The following SLC36A1 variants were observed in gnomAD, a reference collection of about 807,000 sequenced individuals.
SLC36A1 encodes the protein proton-coupled amino acid transporter 1.
Under a neutral mutation model 47.5 loss-of-function variants are expected in SLC36A1, and 30 were observed. The observed-to-expected ratio is 0.63, with a 90% CI of 0.47 to 0.86. SLC36A1 has a LOEUF of 0.86. Among genes scored for constraint, SLC36A1 ranks in the 40% least tolerant of loss-of-function variants. SLC36A1 has a pLI of 0.00. For synonymous variants in SLC36A1, 255 were observed against 249.7 expected, an observed-to-expected ratio of 1.02 and a Z score of -0.20; for missense variants, 517 against 606.0, an observed-to-expected ratio of 0.85 and a Z score of 1.54.
the SLC36A1 span, chr5:151,537,968 A>C: frequency 6.2e-7 from 1 of 1,611,500 alleles, no homozygotes; most frequent in Non-Finnish European, 8.5e-7. Flanking sequence ...AAGACAAAGA[A>C]GAGGGAGACT....
chr5:151,512,612 A>G, the SLC36A1 span: 4 of 1,588,216 alleles, frequency 2.5e-6, no homozygotes, highest in Non-Finnish European at 3.4e-6. The surrounding 1 kb of genome is among the most constrained non-coding windows in gnomAD (Gnocchi z 4.1). Flanking sequence ...GCCAGCTGCA[A>G]AGGAAATCCA....
chr5:151,399,451 G>T, the SLC36A1 span, among the ~76,000 whole-genome samples: 5 of 152,050 alleles, frequency 3.3e-5, no homozygotes, highest in East Asian at 9.6e-4. Context: ...AGCTATGTAA[G>T]AATAACCCTG....
the SLC36A1 span, among the ~76,000 whole-genome samples, chr5:151,404,093 C>T: frequency 7.9e-5 from 12 of 152,314 alleles, no homozygotes; most frequent in South Asian, 2.5e-3. Flanking sequence ...AATCCAGGTG[C>T]TCCAATATTG....
At chr5:151,458,958 T>C (rs760993955) in intron 2 of SLC36A1, 23 bp downstream of exon 2, 1 of 1,589,598 alleles carries the variant, frequency 6.3e-7, no homozygotes, top group South Asian at 1.1e-5. Flanking sequence ...TACCTTCTCC[T>C]CTCCTGGGTG....
the SLC36A1 span, chr5:151,527,856 G>A: frequency 6.7e-6 from 8 of 1,201,746 alleles, no homozygotes; most frequent in Non-Finnish European, 4.6e-6. Context: ...GCCCCACAGA[G>A]AAAACAAGTG....
chr5:151,367,361 A>ATTTTTTTTTTTTTTTTTTT, the SLC36A1 span, among the ~76,000 whole-genome samples: 2,183 of 118,140 alleles, frequency 0.018, 63 homozygotes, highest in South Asian at 0.031. Flanking sequence ...CCAGGAATGC[A>ATTTTTTTTTTTTTTTTTTT]TTTTTTTTTT....
At chr5:151,456,130 C>T (rs989174475) in intron 1 of SLC36A1, among the ~76,000 whole-genome samples, 1 of 152,120 alleles carries the variant, frequency 6.6e-6, no homozygotes, top group Non-Finnish European at 1.5e-5. Flanking sequence ...AAGGTTCTAT[C>T]TTCAGATGCT....
chr5:151,371,927 T>C, the SLC36A1 span, among the ~76,000 whole-genome samples: 97 of 152,240 alleles, frequency 6.4e-4, no homozygotes, highest in African/African-American at 2.3e-3. Context: ...TCTGCTTTTG[T>C]TGTGACTGTT....
the SLC36A1 span, among the ~76,000 whole-genome samples, chr5:151,418,403 A>C: frequency 3.3e-5 from 5 of 152,304 alleles, no homozygotes; most frequent in Non-Finnish European, 7.3e-5. Flanking sequence ...CAGGAGGGGG[A>C]CTGTACCCTG....
At chr5:151,420,670 C>T in the SLC36A1 span, among the ~76,000 whole-genome samples, 1 of 152,152 alleles carries the variant, frequency 6.6e-6, no homozygotes, top group South Asian at 2.1e-4. Context: ...AAAAGTCAAA[C>T]AGTACAGAAG....
At chr5:151,439,319 A>G (rs924319930) in intron 1 of SLC36A1, among the ~76,000 whole-genome samples, 2 of 152,150 alleles carry the variant, frequency 1.3e-5, no homozygotes, top group African/African-American at 4.8e-5. Context: ...ATATTATATC[A>G]TAATTACCTC....
the SLC36A1 span, among the ~76,000 whole-genome samples, chr5:151,548,331 T>G: frequency 1.3e-5 from 2 of 151,740 alleles, no homozygotes; most frequent in Non-Finnish European, 2.9e-5. Context: ...TCATTAATTA[T>G]GTATTATAAT....
intron 7 of SLC36A1, among the ~76,000 whole-genome samples, chr5:151,471,153 C>A (rs548710608): frequency 6.6e-6 from 1 of 152,094 alleles, no homozygotes; most frequent in African/African-American, 2.4e-5. Flanking sequence ...GTATGTATAG[C>A]GAAATCAGTT....
chr5:151,448,807 T>A (rs185408732), intron 1 of SLC36A1, among the ~76,000 whole-genome samples: 14 of 152,310 alleles, frequency 9.2e-5, no homozygotes, highest in African/African-American at 3.4e-4. Context: ...CTGGCAACCT[T>A]AAGTGACTCG....
At chr5:151,415,159 T>G in the SLC36A1 span, among the ~76,000 whole-genome samples, 21,385 of 152,120 alleles carry the variant, frequency 0.14, 2,021 homozygotes, top group East Asian at 0.38. Context: ...TGGCTGTCCC[T>G]TCCCCCATGC....
chr5:151,462,760 T>A (rs1037622681), intron 2 of SLC36A1, among the ~76,000 whole-genome samples: 11 of 151,774 alleles, frequency 7.2e-5, no homozygotes, highest in Non-Finnish European at 1.6e-4. Flanking sequence ...ATCTTTCTGT[T>A]ACAGGGTTTG....
chr5:151,393,809 G>A, the SLC36A1 span, among the ~76,000 whole-genome samples: 2 of 152,096 alleles, frequency 1.3e-5, no homozygotes, highest in Non-Finnish European at 2.9e-5. Flanking sequence ...TGGGTAACCC[G>A]ACCTTTCTCT....
At chr5:151,474,172 A>AG (rs910490910) in intron 8 of SLC36A1, among the ~76,000 whole-genome samples, 1 of 135,612 alleles carries the variant, frequency 7.4e-6, no homozygotes, top group African/African-American at 3.3e-5. Flanking sequence ...AAAAAAAAAA[A>AG]AAAAAAAGAA....
the SLC36A1 span, chr5:151,544,859 A>G: frequency 4.3e-6 from 7 of 1,614,214 alleles, no homozygotes; most frequent in Admixed American, 1.2e-4. Context: ...GATACCTGAA[A>G]GAGGACATCC....
Sources: allele counts gnomAD v4.1 joint callset (sites outside exome capture counted in the v4.1 genomes callset), GRCh38; gene constraint gnomAD v4.1.1; non-coding constraint Gnocchi (gnomAD v3.1); transcripts MANE v1.5; gene names NCBI Gene and HGNC (gene_info 2026-07-23, HGNC 2026-07-21).